Variants in GALNT7 observed in about 807,000 individuals in gnomAD.
GALNT7 encodes the protein N-acetylgalactosaminyltransferase 7.
Under a neutral mutation model 82.1 loss-of-function variants are expected in GALNT7, and 60 were observed. The ratio of observed to expected loss-of-function variants is 0.73; its 90% CI spans 0.59 to 0.91. The LOEUF (loss-of-function observed/expected upper bound fraction) is 0.91. Among genes scored for constraint, GALNT7 ranks in the 40% least tolerant of loss-of-function variants. GALNT7 has a pLI of 0.00. For synonymous variants in GALNT7, 243 were observed against 275.1 expected, an observed-to-expected ratio of 0.88 and a Z score of 1.15; for missense variants, 660 against 804.2, an observed-to-expected ratio of 0.82 and a Z score of 2.17.
At chr4:173,219,132 C>T (rs1178915571) in intron 1 of GALNT7, among the ~76,000 whole-genome samples, 1 of 152,106 alleles carries the variant, frequency 6.6e-6, no homozygotes, top group Non-Finnish European at 1.5e-5. Context: ...TCCTCCCTCC[C>T]AGTCTTTCCC....
At chr4:173,197,563 C>T (rs1367116070) in intron 1 of GALNT7, among the ~76,000 whole-genome samples, 3 of 152,040 alleles carry the variant, frequency 2.0e-5, no homozygotes, top group East Asian at 1.9e-4. Context: ...GTGTAGATTC[C>T]GTAGTACCTA....
chr4:173,191,502 G>A (rs1377390693), intron 1 of GALNT7, among the ~76,000 whole-genome samples: 1 of 152,156 alleles, frequency 6.6e-6, no homozygotes, highest in Non-Finnish European at 1.5e-5. Context: ...ATATAGAAAG[G>A]TGGGTTTGGA....
intron 9 of GALNT7, among the ~76,000 whole-genome samples, chr4:173,315,023 GATA>G (rs1252297008): frequency 1.3e-5 from 2 of 151,644 alleles, no homozygotes; most frequent in African/African-American, 2.4e-5. Context: ...AAACAAAAAT[GATA>G]ATGACAGATG....
intron 11 of GALNT7, among the ~76,000 whole-genome samples, chr4:173,319,999 A>G (rs896960581): frequency 1.3e-5 from 2 of 152,170 alleles, no homozygotes; most frequent in South Asian, 2.1e-4. Context: ...TAGAAAATTC[A>G]AAGAATTGTA....
In GALNT7 at chr4:173,304,040, T is replaced by C; in HGVS notation, c.1311T>C (p.Arg437=). The C allele has an allele frequency of 6.2e-7, 1 of 1,612,162 alleles. No homozygotes were observed. Among genetic ancestry groups the C allele is most frequent in the Non-Finnish European group, 8.5e-7 (1 of 1,178,286 alleles). Residue 437 remains arginine, a synonymous_variant, in exon 8 of 12, where the codon CGT becomes CGC. Coordinates refer to ENST00000265000, the MANE Select transcript of GALNT7 (RefSeq NM_017423.3). ...GGKLLFVPCS[R]VGHIYRLEGW... ...AATTATTATTTGTTCCTTGTTCTCG[T>C]GTTGGACATATCTACCGTCTTGAGG...
At chr4:173,184,004 C>T (rs1051504617) in intron 1 of GALNT7, among the ~76,000 whole-genome samples, 15 of 146,110 alleles carry the variant, frequency 1.0e-4, no homozygotes, top group African/African-American at 3.6e-4. Flanking sequence ...TCAGACGGGT[C>T]GGTGGGGCAG....
intron 2 of GALNT7, among the ~76,000 whole-genome samples, chr4:173,287,316 C>T (rs1381882620): frequency 6.6e-6 from 1 of 152,174 alleles, no homozygotes; most frequent in Non-Finnish European, 1.5e-5. Flanking sequence ...TGGTATTTTC[C>T]CCACTTGCTT....
chr4:173,193,894 ATTGTTTTTT>A (rs1732697661), intron 1 of GALNT7, among the ~76,000 whole-genome samples: 1 of 152,156 alleles, frequency 6.6e-6, no homozygotes, highest in Non-Finnish European at 1.5e-5. Flanking sequence ...ACCAAAAACT[ATTGTTTTTT>A]TTAAAAGGAG....
intron 1 of GALNT7, among the ~76,000 whole-genome samples, chr4:173,243,737 T>C (rs1448205097): frequency 6.6e-6 from 1 of 152,222 alleles, no homozygotes; most frequent in Non-Finnish European, 1.5e-5. Flanking sequence ...TCAATTTTTC[T>C]GGTGCTATTA....
At chr4:173,300,218 C>T (rs1367181941) in intron 6 of GALNT7, among the ~76,000 whole-genome samples, 1 of 152,156 alleles carries the variant, frequency 6.6e-6, no homozygotes, top group Non-Finnish European at 1.5e-5. Flanking sequence ...TGGCACGTGC[C>T]TGTAGTCCCA....
intron 2 of GALNT7, among the ~76,000 whole-genome samples, chr4:173,253,750 G>C (rs574042695): frequency 6.6e-6 from 1 of 152,286 alleles, no homozygotes; most frequent in East Asian, 1.9e-4. Context: ...TCTGCCCAAA[G>C]CTCGTTTACC....
intron 1 of GALNT7, among the ~76,000 whole-genome samples, chr4:173,178,529 A>G (rs904978251): frequency 6.6e-6 from 1 of 152,138 alleles, no homozygotes; most frequent in African/African-American, 2.4e-5. Flanking sequence ...AATATTTCCA[A>G]ATGAGAAATG....
chr4:173,314,175 A>C lies in GALNT7; in HGVS notation c.1607A>C (p.Glu536Ala). 1 of 1,572,582 alleles carries C rather than the reference A, an allele frequency of 6.4e-7. No individual in the cohort carries two copies. The highest frequency in any genetic ancestry group is 8.8e-7 in the Non-Finnish European group (1 of 1,142,208). Residue 536 changes from glutamate to alanine, a missense_variant and splice_region_variant, in exon 9 of 12, where the codon GAA becomes GCA. Coordinates refer to ENST00000265000, the MANE Select transcript of GALNT7 (RefSeq NM_017423.3). ...PLPPKNVDWG[E>A]IRGFETAYCI... is the part of the protein sequence containing the mutation. ...CCACCCAAAAATGTTGACTGGGGAGAAGTAAGTAGTCACATCTCAAAATGT... is the reference window on the plus strand; with the variant it reads ...CCACCCAAAAATGTTGACTGGGGAGCAGTAAGTAGTCACATCTCAAAATGT...
At chr4:173,288,760 C>T (rs1005504676) in intron 2 of GALNT7, among the ~76,000 whole-genome samples, 3 of 152,060 alleles carry the variant, frequency 2.0e-5, no homozygotes, top group Non-Finnish European at 4.4e-5. Context: ...CCATCAGTGT[C>T]TATCATTGAG....
At chr4:173,246,948 A>C (rs1291863199) in intron 1 of GALNT7, among the ~76,000 whole-genome samples, 1 of 152,044 alleles carries the variant, frequency 6.6e-6, no homozygotes, top group African/African-American at 2.4e-5. Flanking sequence ...GTCCTCTATA[A>C]TCCCCTTGTC....
chr4:173,218,761 T>C (rs1229342331), intron 1 of GALNT7, among the ~76,000 whole-genome samples: 1 of 152,218 alleles, frequency 6.6e-6, no homozygotes, highest in Non-Finnish European at 1.5e-5. Flanking sequence ...TAAGCACATG[T>C]ATTCTTTTAA....
chr4:173,238,550 G>A (rs1734308158), intron 1 of GALNT7, among the ~76,000 whole-genome samples: 1 of 152,102 alleles, frequency 6.6e-6, no homozygotes, highest in South Asian at 2.1e-4. Context: ...TCTTACCACT[G>A]AAATGATGGC....
chr4:173,283,412 G>A (rs922823469), intron 2 of GALNT7, among the ~76,000 whole-genome samples: 1 of 152,050 alleles, frequency 6.6e-6, no homozygotes. Flanking sequence ...GCCCAAGACA[G>A]GCAGATCACC....
intron 9 of GALNT7, 49 bp from the exon 10 acceptor site, chr4:173,317,585 C>A: frequency 8.5e-7 from 1 of 1,171,752 alleles, no homozygotes; most frequent in Non-Finnish European, 1.3e-6. Flanking sequence ...CAGAGTTCAT[C>A]AAAAACTAAA....
Sources: gnomAD v4.1 joint callset for allele counts (sites outside exome capture counted in the v4.1 genomes callset) on GRCh38, gnomAD v4.1.1 for gene constraint, MANE v1.5 for transcripts, NCBI Gene and HGNC (gene_info 2026-07-23, HGNC 2026-07-21) for gene names.